SORCS2: variants seen among roughly 807,000 people sequenced by gnomAD.
The protein encoded by SORCS2 is VPS10 domain-containing receptor SorCS2.
A neutral mutation model predicts 141.6 loss-of-function variants in SORCS2; 100 were observed. That is an observed-to-expected ratio of 0.71 (90% CI 0.60 to 0.83). The LOEUF (loss-of-function observed/expected upper bound fraction) is 0.83, where lower values mean the gene tolerates loss of function less well. SORCS2 is among the 40% of genes least tolerant of loss of function. SORCS2 has a pLI of 0.00. For missense variants in SORCS2, 1,646 were observed against 1,560.2 expected (o/e 1.05, Z -0.93); for synonymous variants, 789 against 676.9 (o/e 1.17, Z -2.57).
At chr4:7,589,086 T>TTCA (rs1716733221) in intron 3 of SORCS2, among the ~76,000 whole-genome samples, 1 of 151,862 alleles carries the variant, frequency 6.6e-6, no homozygotes, top group African/African-American at 2.4e-5. Flanking sequence ...GCACAGGAGG[T>TTCA]GTGGGGCGAA....
chr4:7,205,509 G>A (rs1727682114), intron 1 of SORCS2, among the ~76,000 whole-genome samples: 2 of 152,234 alleles, frequency 1.3e-5, no homozygotes, highest in South Asian at 2.1e-4. Flanking sequence ...AAGTTGTGCT[G>A]AGTGTAAGCC....
intron 17 of SORCS2, among the ~76,000 whole-genome samples, chr4:7,717,720 G>A (rs1403657781): frequency 1.7e-5 from 2 of 114,876 alleles, no homozygotes; most frequent in Non-Finnish European, 3.4e-5. Context: ...AACGGTGGCT[G>A]TTACTGTTAC....
intron 5 of SORCS2, among the ~76,000 whole-genome samples, chr4:7,655,222 C>T (rs182592513): frequency 1.1e-3 from 170 of 152,204 alleles, no homozygotes; most frequent in Middle Eastern, 6.8e-3. Flanking sequence ...CACACACACA[C>T]ACACAGTGCT....
At chr4:7,226,713 C>T (rs983257965) in intron 1 of SORCS2, among the ~76,000 whole-genome samples, 3 of 151,942 alleles carry the variant, frequency 2.0e-5, no homozygotes, top group Non-Finnish European at 4.4e-5. Context: ...CCTGCGGCGG[C>T]TCGGTGTGGA....
At position 7,718,086 on chromosome 4, in the gene SORCS2, C is replaced by G. The variant is rs757647581; in HGVS notation, c.2327C>G (p.Pro776Arg). 1.2e-6 allele frequency: 2 copies of G among 1,611,812 alleles called. No homozygotes were observed. Among genetic ancestry groups the G allele is most frequent in the South Asian group, 2.2e-5 (2 of 90,652 alleles). The change falls in exon 18 of 27, where the codon CCC becomes CGC. Residue 776 changes from proline (P) to arginine (R), a missense_variant. Coordinates refer to ENST00000507866, the MANE Select transcript of SORCS2 (RefSeq NM_020777.3). ...CAGAGTCAGGTGCAGCTGCAGTGCCCCCTCACGCCGCCCCGGGGCCTGCAG... is the reference window on the plus strand; with the variant it reads ...CAGAGTCAGGTGCAGCTGCAGTGCCGCCTCACGCCGCCCCGGGGCCTGCAG... ...MQQSQVQLQC[P>R]LTPPRGLQVS...
Position 7,414,682 on chromosome 4 carries a change from G to A in SORCS2, c.548+18327G>A, listed in dbSNP as rs375579166. 1.1e-4 allele frequency among the ~76,000 whole-genome samples: 17 copies of A among 152,310 alleles called. No individual in the cohort carries two copies. In the East Asian group the frequency reaches 2.1e-3, roughly 19 times the overall value. On this transcript the variant is annotated intron_variant, in intron 2 of 26. Coordinates refer to ENST00000507866, the MANE Select transcript of SORCS2 (RefSeq NM_020777.3). Reference sequence around the variant, plus strand: ...AAAAGAATCAAAATGGTTACAGAGTGATAAACAACTTAAAAGACAAATGGT... The same window carrying A: ...AAAAGAATCAAAATGGTTACAGAGTAATAAACAACTTAAAAGACAAATGGT...
intron 1 of SORCS2, among the ~76,000 whole-genome samples, chr4:7,301,440 C>G (rs138632853): frequency 2.3e-3 from 356 of 152,316 alleles, no homozygotes; most frequent in African/African-American, 8.3e-3. Flanking sequence ...GGAATGATCT[C>G]GGATCAATAT....
chr4:7,298,174 A>G (rs1157066885), intron 1 of SORCS2, among the ~76,000 whole-genome samples: 1 of 152,146 alleles, frequency 6.6e-6, no homozygotes, highest in Non-Finnish European at 1.5e-5. Flanking sequence ...TGTGCACCGC[A>G]GGCATGCAAG....
chr4:7,383,726 A>G (rs1270034425), intron 1 of SORCS2, among the ~76,000 whole-genome samples: 1 of 152,228 alleles, frequency 6.6e-6, no homozygotes, highest in East Asian at 1.9e-4. Context: ...AATAGCAACG[A>G]CAAAAAACAA....
chr4:7,203,061 G>GC lies in SORCS2; in HGVS notation c.480+9940dup, dbSNP rs36087712. 8.5e-5 allele frequency among the ~76,000 whole-genome samples: 13 copies of GC among 152,288 alleles called. No homozygotes were observed. In the East Asian group the frequency reaches 2.5e-3, roughly 29 times the overall value. ...AAGGTTCGGTGTGGCAGGAGGACTT[G>GC]CCCCCAGTCACACAGCTAGTGAGGA... On this transcript the variant is annotated intron_variant, in intron 1 of 26. Coordinates refer to ENST00000507866, the MANE Select transcript of SORCS2 (RefSeq NM_020777.3).
intron 18 of SORCS2, among the ~76,000 whole-genome samples, chr4:7,719,550 C>T (rs1419358502): frequency 2.0e-5 from 3 of 152,192 alleles, no homozygotes; most frequent in Non-Finnish European, 4.4e-5. Flanking sequence ...TTCCCTGGTG[C>T]AGGCTGCTGA....
intron 3 of SORCS2, among the ~76,000 whole-genome samples, chr4:7,535,129 G>A (rs1301927782): frequency 6.6e-6 from 1 of 152,184 alleles, no homozygotes; most frequent in Non-Finnish European, 1.5e-5. Context: ...GGGTGCCCCG[G>A]TTTGGGCCTG....
intron 2 of SORCS2, among the ~76,000 whole-genome samples, chr4:7,500,137 C>T (rs924019675): frequency 6.6e-6 from 1 of 152,170 alleles, no homozygotes; most frequent in Admixed American, 6.5e-5. Flanking sequence ...CACCATCACC[C>T]GGAGCACACC....
rs537517961 is a variant in SORCS2 at position 7,684,200 on chromosome 4, C to A, written c.1488+1311C>A. 9.2e-5 allele frequency among the ~76,000 whole-genome samples: 14 copies of A among 152,320 alleles called. 1 individual carries two copies. The South Asian group carries it at 2.5e-3, about 27-fold the overall frequency. On this transcript the variant is annotated intron_variant, in intron 10 of 26. Transcript: ENST00000507866. ...GGTCTAGTGTTAGAGCCGCACAGAGCTGCAGTCTTAGCCCCCTGACTATGT... is the reference window on the plus strand; with the variant it reads ...GGTCTAGTGTTAGAGCCGCACAGAGATGCAGTCTTAGCCCCCTGACTATGT...
At chr4:7,528,402 G>GT (rs35199702) in intron 2 of SORCS2, among the ~76,000 whole-genome samples, 56,251 of 147,346 alleles carry the variant, frequency 0.38, 12,394 homozygotes, top group East Asian at 0.75. Context: ...CAGCTGCTAC[G>GT]TTTTTTTTTT....
In SORCS2 at chr4:7,658,585, C is replaced by G. The variant is rs116312323; in HGVS notation, c.888-2915C>G. Among the ~76,000 whole-genome samples the G allele has an allele frequency of 3.9e-3, 597 of 152,324 alleles. 2 individuals carry two copies. The highest frequency in any genetic ancestry group is 0.013 in the African/African-American group (537 of 41,564). On this transcript the variant is annotated intron_variant, in intron 5 of 26. Transcript: ENST00000507866. Reference sequence around the variant, plus strand: ...AAAGGGAGAGCTCTTTAACTAGGGTCAAAATGATTGATGCTGGTGCCCCTG... The same window carrying G: ...AAAGGGAGAGCTCTTTAACTAGGGTGAAAATGATTGATGCTGGTGCCCCTG...
At chr4:7,437,505 G>C (rs768555142) in intron 2 of SORCS2, among the ~76,000 whole-genome samples, 1 of 152,072 alleles carries the variant, frequency 6.6e-6, no homozygotes, top group African/African-American at 2.4e-5. Context: ...CCAGGGGGTG[G>C]GGCTGGAAGT....
chr4:7,441,210 T>C (rs1184712800), intron 2 of SORCS2, among the ~76,000 whole-genome samples: 1 of 152,152 alleles, frequency 6.6e-6, no homozygotes, highest in African/African-American at 2.4e-5. Flanking sequence ...AAGGAGTTGT[T>C]GGCTGCTTCT....
chr4:7,238,006 C>T (rs965851603), intron 1 of SORCS2, among the ~76,000 whole-genome samples: 1 of 152,080 alleles, frequency 6.6e-6, no homozygotes, highest in African/African-American at 2.4e-5. Flanking sequence ...GCCAGGGGTG[C>T]TGTTGGATGG....
Sources: gnomAD v4.1 joint callset for allele counts (sites outside exome capture counted in the v4.1 genomes callset) on GRCh38, gnomAD v4.1.1 for gene constraint, MANE v1.5 for transcripts, NCBI Gene and HGNC (gene_info 2026-07-23, HGNC 2026-07-21) for gene names.